Variants in LRMDA observed in about 807,000 individuals in gnomAD.
LRMDA encodes leucine rich melanocyte differentiation associated.
LRMDA carries 18 observed loss-of-function variants against 29.8 expected under a neutral mutation model. The ratio of observed to expected loss-of-function variants is 0.60; its 90% confidence interval spans 0.42 to 0.90. LRMDA has a LOEUF of 0.90. Ranked by LOEUF, LRMDA falls within the 40% of genes least tolerant of loss-of-function variation. The pLI, the probability that LRMDA is intolerant of heterozygous loss-of-function variation, is 0.00. For synonymous variants in LRMDA, 125 were observed against 109.4 expected (o/e 1.14, Z -0.89); for missense variants, 273 against 273.9 (o/e 1.00, Z 0.02).
At chr10:76,449,606 A>G (rs1842386672) in intron 6 of LRMDA, among the ~76,000 whole-genome samples, 2 of 151,898 alleles carry the variant, frequency 1.3e-5, no homozygotes, top group Admixed American at 1.3e-4. Context: ...TTTGGGCTTA[A>G]TTTTATAACT....
intron 2 of LRMDA, among the ~76,000 whole-genome samples, chr10:75,957,358 C>T (rs1165616183): frequency 2.0e-5 from 3 of 152,172 alleles, no homozygotes; most frequent in Non-Finnish European, 4.4e-5. Flanking sequence ...ATCAAATGGC[C>T]CAGGCCTATT....
At chr10:76,266,861 A>G (rs1458137536) in intron 5 of LRMDA, among the ~76,000 whole-genome samples, 1 of 152,212 alleles carries the variant, frequency 6.6e-6, no homozygotes, top group Non-Finnish European at 1.5e-5. Context: ...TTTAAAAACT[A>G]GACTTGTAAC....
chr10:75,667,928 T>C (rs2132140396), intron 2 of LRMDA, among the ~76,000 whole-genome samples: 1 of 152,310 alleles, frequency 6.6e-6, no homozygotes, highest in East Asian at 1.9e-4. Flanking sequence ...TGGAAGAAAG[T>C]CCATCCTCAG....
At chr10:75,501,243 A>G (rs1271584262) in intron 2 of LRMDA, among the ~76,000 whole-genome samples, 8 of 152,138 alleles carry the variant, frequency 5.3e-5, no homozygotes, top group Non-Finnish European at 1.2e-4. Flanking sequence ...CTGAATATGT[A>G]CAATTCTTTC....
chr10:75,637,182 G>GACTTACA (rs1841399672), intron 2 of LRMDA, among the ~76,000 whole-genome samples: 1 of 152,190 alleles, frequency 6.6e-6, no homozygotes, highest in African/African-American at 2.4e-5. Flanking sequence ...CTCTTTTGGT[G>GACTTACA]TTGGGTCATG....
At chr10:76,050,896 C>T (rs752295921) in intron 4 of LRMDA, among the ~76,000 whole-genome samples, 1 of 152,224 alleles carries the variant, frequency 6.6e-6, no homozygotes, top group Non-Finnish European at 1.5e-5. Context: ...GAGTTGGTCT[C>T]ATGGTCTTTT....
chr10:75,841,107 C>T (rs539815263), intron 2 of LRMDA, among the ~76,000 whole-genome samples: 1 of 152,198 alleles, frequency 6.6e-6, no homozygotes, highest in Non-Finnish European at 1.5e-5. Flanking sequence ...CAGGCATTCA[C>T]TTTGAAGCAA....
chr10:75,908,208 A>G (rs1269013314), intron 2 of LRMDA, among the ~76,000 whole-genome samples: 1 of 152,234 alleles, frequency 6.6e-6, no homozygotes, highest in Non-Finnish European at 1.5e-5. Context: ...GCTGAGGCGC[A>G]GAGAAGTTTT....
At chr10:76,542,203 A>T (rs1454830286) in intron 6 of LRMDA, among the ~76,000 whole-genome samples, 2 of 152,190 alleles carry the variant, frequency 1.3e-5, no homozygotes, top group Non-Finnish European at 2.9e-5. Flanking sequence ...GCTGCGGATT[A>T]TGTATAATAG....
chr10:75,988,804 C>G (rs1847307208), intron 2 of LRMDA, among the ~76,000 whole-genome samples: 1 of 152,202 alleles, frequency 6.6e-6, no homozygotes, highest in Non-Finnish European at 1.5e-5. Context: ...CTCCCTGGCC[C>G]TGGCTCCCTC....
At chr10:76,158,949 T>C (rs1260436219) in intron 5 of LRMDA, among the ~76,000 whole-genome samples, 3 of 152,148 alleles carry the variant, frequency 2.0e-5, no homozygotes, top group African/African-American at 7.2e-5. Flanking sequence ...TAAAATGCAT[T>C]CTATTCATGA....
At chr10:76,014,285 G>A (rs930336295) in intron 2 of LRMDA, among the ~76,000 whole-genome samples, 1 of 151,016 alleles carries the variant, frequency 6.6e-6, no homozygotes, top group Non-Finnish European at 1.5e-5. Flanking sequence ...TTACTATCTG[G>A]CTATTTACAT....
intron 5 of LRMDA, among the ~76,000 whole-genome samples, chr10:76,155,021 A>G (rs1488585640): frequency 6.6e-6 from 1 of 152,160 alleles, no homozygotes; most frequent in African/African-American, 2.4e-5. Flanking sequence ...AAGTTACATG[A>G]CCACACCTCT....
At chr10:75,718,720 G>A (rs1007321492) in intron 2 of LRMDA, among the ~76,000 whole-genome samples, 5 of 152,154 alleles carry the variant, frequency 3.3e-5, no homozygotes, top group Non-Finnish European at 5.9e-5. Flanking sequence ...AGGTTTTACT[G>A]TAAAAACAGA....
At chr10:75,543,158 T>A (rs1589175896) in intron 2 of LRMDA, among the ~76,000 whole-genome samples, 1 of 152,218 alleles carries the variant, frequency 6.6e-6, no homozygotes, top group Non-Finnish European at 1.5e-5. Flanking sequence ...GTGCTGGCCA[T>A]GCCAGAGCAA....
intron 2 of LRMDA, among the ~76,000 whole-genome samples, chr10:75,465,249 G>C (rs1844634327): frequency 6.6e-6 from 1 of 152,226 alleles, no homozygotes; most frequent in African/African-American, 2.4e-5. Flanking sequence ...GTCACGTGGA[G>C]AGAGGCCCAT....
chr10:75,672,532 TC>T lies in LRMDA; in HGVS notation c.131+234042del, dbSNP rs1564536276. On this transcript the variant is annotated intron_variant, in intron 2 of 6. Transcript: ENST00000611255. Reference sequence around the variant, plus strand: ...GTATTTTTCTTTTCTTTTCCTCCCCTCCCCTCCCCTCCCCTCCCCTCCCCTC... The same window carrying T: ...GTATTTTTCTTTTCTTTTCCTCCCCTCCCTCCCCTCCCCTCCCCTCCCCTC... Among the ~76,000 whole-genome samples, 31 of 7,006 alleles carry T rather than the reference TC, an allele frequency of 4.4e-3. 6 individuals carry two copies. The highest frequency in any genetic ancestry group is 6.7e-3 in the Non-Finnish European group (20 of 2,968). 4.6% of individuals were successfully genotyped at this position (7,006 alleles called of 152,430 possible).
At chr10:76,351,206 C>T (rs1009138850) in intron 6 of LRMDA, among the ~76,000 whole-genome samples, 5 of 152,140 alleles carry the variant, frequency 3.3e-5, no homozygotes, top group Non-Finnish European at 7.4e-5. Flanking sequence ...TGCAGCTCCA[C>T]GCATTGACTC....
chr10:75,644,499 T>C (rs1841490801), intron 2 of LRMDA, among the ~76,000 whole-genome samples: 1 of 152,288 alleles, frequency 6.6e-6, no homozygotes, highest in Non-Finnish European at 1.5e-5. Flanking sequence ...CTAATCACAT[T>C]ATACAATGGG....
Sources: allele counts gnomAD v4.1 joint callset (sites outside exome capture counted in the v4.1 genomes callset), GRCh38; gene constraint gnomAD v4.1.1; transcripts MANE v1.5; gene names NCBI Gene and HGNC (gene_info 2026-07-23, HGNC 2026-07-21).